Variants in EPB41L3 observed in about 807,000 individuals in gnomAD.
The protein encoded by EPB41L3 is band 4.1-like protein 3.
A neutral mutation model predicts 127.1 loss-of-function variants in EPB41L3; 57 were observed. The ratio of observed to expected loss-of-function variants is 0.45; its 90% CI spans 0.36 to 0.56. The LOEUF (loss-of-function observed/expected upper bound fraction) is 0.56, where lower values mean the gene tolerates loss of function less well. EPB41L3 is among the 20% of genes least tolerant of loss of function. EPB41L3 has a pLI of 0.00. For missense variants in EPB41L3, 1,273 were observed against 1,372.2 expected (o/e 0.93, Z 1.14); for synonymous variants, 572 against 549.5 (o/e 1.04, Z -0.57).
At chr18:5,555,460 G>A (rs2094020545) in intron 3 of EPB41L3, among the ~76,000 whole-genome samples, 1 of 152,102 alleles carries the variant, frequency 6.6e-6, no homozygotes, top group Admixed American at 6.6e-5. Context: ...TAAGTAGCAT[G>A]GCACGTTAGC....
In EPB41L3 at chr18:5,416,029, T is replaced by C. The variant is rs2076765516; in HGVS notation, c.1856A>G (p.Gln619Arg). 6.2e-7 allele frequency: 1 copy of C among 1,613,916 alleles called. No homozygotes were observed. Among genetic ancestry groups the C allele is most frequent in the Non-Finnish European group, 8.5e-7 (1 of 1,179,912 alleles). Reference protein sequence around the residue: ...PNLSETNLLPQSLQHYLPIRS... With the variant: ...PNLSETNLLPRSLQHYLPIRS... ...GATCGGGAGGTAATGCTGCAAGCTC[T>C]GGGGCAGGAGGTTGGTTTCAGAAAG... The change falls in exon 13 of 23, where the codon CAG becomes CGG. Residue 619 changes from glutamine to arginine, a missense_variant. Gln to Arg is a conservative substitution (Grantham distance 43). This residue lies in a region of EPB41L3 where 765 missense variants were observed against 782.9 expected (regional missense o/e 0.98). Transcript: ENST00000341928.
At chr18:5,606,898 C>CTCTG (rs1256636284) in intron 3 of EPB41L3, among the ~76,000 whole-genome samples, 4 of 151,668 alleles carry the variant, frequency 2.6e-5, no homozygotes, top group African/African-American at 9.7e-5. Flanking sequence ...CTCTCTCTCT[C>CTCTG]TCTCTCTCTC....
intron 3 of EPB41L3, among the ~76,000 whole-genome samples, chr18:5,607,467 T>C (rs1001715557): frequency 1.3e-5 from 2 of 152,200 alleles, no homozygotes; most frequent in African/African-American, 4.8e-5. Context: ...TTCATGTCCC[T>C]CTGCTTTTGA....
chr18:5,395,553 C>A, intron 20 of EPB41L3, 56 bp downstream of exon 20: 9 of 1,529,398 alleles, frequency 5.9e-6, no homozygotes, highest in Non-Finnish European at 8.1e-6. Context: ...TCTGAACAAG[C>A]ACCTTCCTCC....
At chr18:5,541,084 C>CAAAAAAA (rs147766745) in intron 1 of EPB41L3, among the ~76,000 whole-genome samples, 2 of 76,322 alleles carry the variant, frequency 2.6e-5, no homozygotes, top group Admixed American at 1.7e-4. Flanking sequence ...GACTCCGTCT[C>CAAAAAAA]AAAAAAAAAA....
intron 1 of EPB41L3, among the ~76,000 whole-genome samples, chr18:5,525,070 G>A (rs562227524): frequency 1.3e-5 from 2 of 152,162 alleles, no homozygotes; most frequent in African/African-American, 2.4e-5. Context: ...ACACAGACAT[G>A]CCATATTTCA....
At chr18:5,509,795 T>C (rs768857257) in intron 1 of EPB41L3, among the ~76,000 whole-genome samples, 1 of 152,218 alleles carries the variant, frequency 6.6e-6, no homozygotes, top group African/African-American at 2.4e-5. Context: ...GTCCCAAGGA[T>C]AGGAAAATAG....
Position 5,395,691 on chromosome 18 carries a change from T to A in EPB41L3, c.2990A>T (p.Asp997Val). The A allele has an allele frequency of 6.2e-7, 1 of 1,614,168 alleles. No homozygotes were observed. Among genetic ancestry groups the A allele is most frequent in the East Asian group, 2.2e-5 (1 of 44,874 alleles). The change falls in exon 20 of 23, where the codon GAT becomes GTT. Residue 997 changes from aspartate (D) to valine (V), a missense_variant. Around this residue, in one of 3 missense-constraint regions of EPB41L3, gnomAD observed 765 missense variants for 782.9 expected, o/e 0.98. Transcript: ENST00000341928. ...YESSQVDPGT[D>V]LEPGVLMSAQ... ...ACTCATCAGCACGCCTGGCTCCAGATCTGTGCCTGGATCGACCTAAAGCAG... is the reference window on the plus strand; with the variant it reads ...ACTCATCAGCACGCCTGGCTCCAGAACTGTGCCTGGATCGACCTAAAGCAG...
chr18:5,606,111 A>G (rs1445377899), intron 3 of EPB41L3, among the ~76,000 whole-genome samples: 7 of 152,188 alleles, frequency 4.6e-5, no homozygotes, highest in Non-Finnish European at 7.3e-5. Context: ...ACTTCATCCT[A>G]TGGAGCTTGG....
At chr18:5,443,777 CA>C (rs1407258708) in intron 5 of EPB41L3, 60 bp downstream of exon 5, 42 of 1,442,850 alleles carry the variant, frequency 2.9e-5, no homozygotes, top group Non-Finnish European at 3.9e-5. Flanking sequence ...GCTACCAATT[CA>C]GACAACTTGC....
At chr18:5,506,457 A>G (rs909932825) in intron 1 of EPB41L3, among the ~76,000 whole-genome samples, 2 of 151,794 alleles carry the variant, frequency 1.3e-5, no homozygotes, top group African/African-American at 4.8e-5. Context: ...TTATTCACCC[A>G]CTGTGTTCAA....
chr18:5,499,821 ATG>A (rs1222775684), intron 1 of EPB41L3, among the ~76,000 whole-genome samples: 12 of 138,016 alleles, frequency 8.7e-5, no homozygotes, highest in South Asian at 4.5e-4. Context: ...CATACTTACT[ATG>A]TGTGTGTATA....
intron 1 of EPB41L3, among the ~76,000 whole-genome samples, chr18:5,494,579 C>T (rs2090959754): frequency 6.6e-6 from 1 of 151,992 alleles, no homozygotes; most frequent in South Asian, 2.1e-4. Context: ...ATCGCTTGAA[C>T]CGGGGAGGCA....
intron 1 of EPB41L3, among the ~76,000 whole-genome samples, chr18:5,506,494 C>T (rs1400117237): frequency 6.6e-6 from 1 of 152,166 alleles, no homozygotes; most frequent in African/African-American, 2.4e-5. Context: ...TCCTTCTCAG[C>T]GAGGCCTTCC....
intron 1 of EPB41L3, among the ~76,000 whole-genome samples, chr18:5,521,022 CAATATT>C (rs2092968617): frequency 6.6e-6 from 1 of 152,138 alleles, no homozygotes; most frequent in South Asian, 2.1e-4. Flanking sequence ...GAATAATTAT[CAATATT>C]AACTGAAATC....
At chr18:5,482,781 G>A (rs1305283367) in intron 2 of EPB41L3, among the ~76,000 whole-genome samples, 1 of 152,044 alleles carries the variant, frequency 6.6e-6, no homozygotes, top group East Asian at 1.9e-4. Flanking sequence ...ATATAAAGGA[G>A]AGATCAAATC....
chr18:5,395,094 C>T lies in EPB41L3; in HGVS notation c.3126G>A (p.Thr1042=), dbSNP rs144676596. The T allele has an allele frequency of 6.2e-6, 10 of 1,614,020 alleles. No homozygotes were observed. In the African/African-American group the frequency reaches 8.0e-5, roughly 13 times the overall value. Residue 1042 remains threonine (T), a synonymous_variant, in exon 21 of 23, where the codon ACG becomes ACA. Coordinates refer to ENST00000341928, the MANE Select transcript of EPB41L3 (RefSeq NM_012307.5). ...GGTCATGGTCAATGTCTGCATCCCC[C>T]GTGATGACTATTCGCTTCTCAATTC... The part of the protein sequence containing the change: ...ETRIEKRIVI[T]GDADIDHDQA...
chr18:5,499,430 T>C (rs2091517410), intron 1 of EPB41L3, among the ~76,000 whole-genome samples: 1 of 151,814 alleles, frequency 6.6e-6, no homozygotes, highest in Non-Finnish European at 1.5e-5. Flanking sequence ...TTTTACTCAC[T>C]GTAAGTCAAA....
chr18:5,601,439 C>A (rs546174730), intron 3 of EPB41L3, among the ~76,000 whole-genome samples: 1 of 152,276 alleles, frequency 6.6e-6, no homozygotes, highest in South Asian at 2.1e-4. Context: ...AACTCTTGCC[C>A]CATGCTTCTG....
Sources: gnomAD v4.1 joint callset for allele counts (sites outside exome capture counted in the v4.1 genomes callset) on GRCh38, gnomAD v4.1.1 for gene constraint, gnomAD v4.1.1 regional missense constraint, MANE v1.5 for transcripts, NCBI Gene and HGNC (gene_info 2026-07-23, HGNC 2026-07-21) for gene names.